Variants in TWSG1 observed in about 807,000 individuals in gnomAD.
TWSG1 encodes the protein twisted gastrulation protein homolog 1.
Under a neutral mutation model 23.0 loss-of-function variants are expected in TWSG1, and 15 were observed. The observed-to-expected ratio is 0.65, with a 90% CI of 0.44 to 1.00. The LOEUF is 1.00. TWSG1 is among the 50% of genes least tolerant of loss of function. The probability of loss-of-function intolerance (pLI) is 0.00; values close to 1 mark genes in which losing one functional copy is unlikely to be tolerated. For synonymous variants in TWSG1, 86 were observed against 92.8 expected (o/e 0.93, Z 0.42); for missense variants, 242 against 278.7 (o/e 0.87, Z 0.94).
At chr18:9,351,281 A>T (rs2040500759) in intron 2 of TWSG1, among the ~76,000 whole-genome samples, 1 of 152,144 alleles carries the variant, frequency 6.6e-6, no homozygotes, top group South Asian at 2.1e-4. Context: ...AGAAAAAAAG[A>T]GTAAAACGTT....
At chr18:9,379,530 G>A (rs1342086380) in intron 3 of TWSG1, among the ~76,000 whole-genome samples, 1 of 152,134 alleles carries the variant, frequency 6.6e-6, no homozygotes, top group East Asian at 1.9e-4. Context: ...AGGACGGGAG[G>A]AGGGAGAGGT....
chr18:9,370,679 C>T (rs1197538795), intron 3 of TWSG1, among the ~76,000 whole-genome samples: 2 of 152,084 alleles, frequency 1.3e-5, no homozygotes, highest in Non-Finnish European at 2.9e-5. Context: ...TGTAATTTAT[C>T]CATTGGGTCA....
chr18:9,343,627 A>G (rs1051681372), intron 2 of TWSG1, among the ~76,000 whole-genome samples: 2 of 151,944 alleles, frequency 1.3e-5, no homozygotes, highest in South Asian at 2.1e-4. Flanking sequence ...TTCTCTCTAC[A>G]TGCTTGTTCT....
rs185871555 is a variant in TWSG1, at chr18:9,335,422, A to G, written c.-38+502A>G. 2.6e-3 allele frequency among the ~76,000 whole-genome samples: 401 copies of G among 152,330 alleles called. 7 individuals are homozygous for G. Among genetic ancestry groups the G allele is most frequent in the Middle Eastern group, 3.4e-3 (1 of 294 alleles). On this transcript the variant is annotated intron_variant, in intron 1 of 4. Transcript: ENST00000262120. ...AGGAAAAGATAAGTCCTTTAATTCT[A>G]TTACCTGATTTCGACATGGTCGTAG...
At chr18:9,347,717 T>C (rs1010639240) in intron 2 of TWSG1, among the ~76,000 whole-genome samples, 1 of 152,146 alleles carries the variant, frequency 6.6e-6, no homozygotes, top group Non-Finnish European at 1.5e-5. Flanking sequence ...TTTCCTGACC[T>C]TACCTTTGGA....
rs534489700 is a variant in TWSG1, at chr18:9,370,316, A to G, written c.223+10245A>G. Among the ~76,000 whole-genome samples the G allele has an allele frequency of 1.9e-4, 17 of 89,648 alleles. No homozygotes were observed. The East Asian group carries it at 3.8e-3, about 20-fold the overall frequency. 58.8% of individuals were successfully genotyped at this position (89,648 alleles called of 152,430 possible). A position where few individuals can be genotyped will look rare whatever the true frequency, so the allele number is the denominator to read the frequency against. On this transcript the variant is annotated intron_variant, in intron 3 of 4. Coordinates refer to ENST00000262120, the MANE Select transcript of TWSG1 (RefSeq NM_020648.6). ...CTGGTGACAGAGTGAGACTCCATCT[A>G]AAAAAAAAAAAAAATTATTGTCCAG...
At chr18:9,376,602 GA>G (rs2040631481) in intron 3 of TWSG1, among the ~76,000 whole-genome samples, 1 of 152,156 alleles carries the variant, frequency 6.6e-6, no homozygotes, top group Non-Finnish European at 1.5e-5. Flanking sequence ...ACCCCTTTGA[GA>G]GGCTGAGGAG....
intron 3 of TWSG1, among the ~76,000 whole-genome samples, chr18:9,382,802 G>T (rs1303732028): frequency 3.3e-5 from 1 of 30,626 alleles, no homozygotes; most frequent in African/African-American, 8.5e-5. Context: ...GTAAGACTCC[G>T]TCTCAAAAAA....
intron 3 of TWSG1, 133 bp from the exon 4 acceptor site, chr18:9,396,147 C>CAAAA (rs58754446): frequency 7.8e-5 from 37 of 474,198 alleles, no homozygotes; most frequent in South Asian, 1.6e-4. Flanking sequence ...GCTCACCCAG[C>CAAAA]AAAAAAAAAA....
At chr18:9,385,773 G>C (rs1483966553) in intron 3 of TWSG1, among the ~76,000 whole-genome samples, 2 of 149,312 alleles carry the variant, frequency 1.3e-5, no homozygotes, top group African/African-American at 4.9e-5. Context: ...GGACATAAAA[G>C]AAATCTTTTA....
intron 2 of TWSG1, 30 bp from the exon 3 acceptor site, chr18:9,359,942 T>C (rs750699557): frequency 3.2e-5 from 50 of 1,585,404 alleles, no homozygotes; most frequent in Non-Finnish European, 4.2e-5. Flanking sequence ...TTATTTGGAA[T>C]TTGAAGTTTA....
intron 2 of TWSG1, among the ~76,000 whole-genome samples, chr18:9,345,334 C>T (rs1403208432): frequency 6.6e-6 from 1 of 152,030 alleles, no homozygotes; most frequent in East Asian, 1.9e-4. Flanking sequence ...TAAAGATTTA[C>T]TTGTATGTTT....
At chr18:9,382,895 C>T (rs12959183) in intron 3 of TWSG1, among the ~76,000 whole-genome samples, 70,094 of 151,162 alleles carry the variant, frequency 0.46, 17,488 homozygotes, top group East Asian at 0.71. Context: ...TAACAAGAGG[C>T]TCTCCCCAAC....
intron 2 of TWSG1, among the ~76,000 whole-genome samples, chr18:9,352,229 G>A (rs561649161): frequency 6.6e-6 from 1 of 152,146 alleles, no homozygotes; most frequent in Non-Finnish European, 1.5e-5. Flanking sequence ...ATAATGCTTT[G>A]AGATTCATCC....
intron 4 of TWSG1, 76 bp from the exon 5 acceptor site, chr18:9,399,270 C>T: frequency 1.0e-6 from 1 of 981,570 alleles, no homozygotes; most frequent in Non-Finnish European, 1.5e-6. Context: ...TGTTAATATT[C>T]AACTAGGTAA....
intron 3 of TWSG1, among the ~76,000 whole-genome samples, chr18:9,387,087 A>G (rs1288925246): frequency 6.6e-6 from 1 of 152,232 alleles, no homozygotes; most frequent in Non-Finnish European, 1.5e-5. Flanking sequence ...TCAGTTAAGG[A>G]TAGCTGCAGA....
chr18:9,341,235 A>G (rs2145591170), intron 2 of TWSG1, among the ~76,000 whole-genome samples: 1 of 152,198 alleles, frequency 6.6e-6, no homozygotes. Flanking sequence ...TGGAAAATAC[A>G]CTCTGCCACA....
At chr18:9,367,448 T>A (rs2040585193) in intron 3 of TWSG1, among the ~76,000 whole-genome samples, 1 of 152,212 alleles carries the variant, frequency 6.6e-6, no homozygotes, top group Non-Finnish European at 1.5e-5. Flanking sequence ...TATTTGCCTT[T>A]CTGTGACTGG....
chr18:9,367,050 C>T (rs1351846802), intron 3 of TWSG1, among the ~76,000 whole-genome samples: 2 of 152,040 alleles, frequency 1.3e-5, no homozygotes, highest in East Asian at 1.9e-4. Context: ...AGTGATTTTC[C>T]CACCTCAGCC....
Sources: gnomAD v4.1 joint callset for allele counts (sites outside exome capture counted in the v4.1 genomes callset) on GRCh38, gnomAD v4.1.1 for gene constraint, MANE v1.5 for transcripts, NCBI Gene and HGNC (gene_info 2026-07-23, HGNC 2026-07-21) for gene names.